Variants in PRDM11 observed in about 807,000 individuals in gnomAD.
PRDM11 encodes the protein PR/SET domain 11.
In PRDM11, 20 loss-of-function variants were observed where a neutral mutation model predicts 97.8. The observed-to-expected ratio is 0.20, with a 90% CI of 0.14 to 0.30. The LOEUF is 0.30. Among genes scored for constraint, PRDM11 ranks in the 10% least tolerant of loss-of-function variants. The pLI is 1.00. For missense variants in PRDM11, 1,139 were observed against 1,555.2 expected, an observed-to-expected ratio of 0.73 and a Z score of 4.50; for synonymous variants, 599 against 637.7, an observed-to-expected ratio of 0.94 and a Z score of 0.91.
In PRDM11 at chr11:45,227,047, A is replaced by G. The variant is rs1854292509; in HGVS notation, c.2422A>G (p.Thr808Ala). ...SPRLMCELRS[T>A]AATLCEETEF... ...GCGCCTCATGTGCGAGCTGCGGTCC[A>G]CGGCGGCCACCCTTTGTGAGGAGAC... The change falls in exon 8 of 8, where the codon ACG becomes GCG. Residue 808 changes from threonine to alanine, a missense_variant. This residue lies in a region of PRDM11 where 710 missense variants were observed against 1,044.9 expected (regional missense o/e 0.68). Transcript: ENST00000683152. This position sits in a 1 kb window ranked among gnomAD's most constrained non-coding sequence, Gnocchi z 8.0. 6.5e-7 allele frequency: 1 copy of G among 1,533,800 alleles called. No homozygotes were observed. Among genetic ancestry groups the G allele is most frequent in the African/African-American group, 1.4e-5 (1 of 72,968 alleles).
upstream of PRDM11, among the ~76,000 whole-genome samples, chr11:45,144,345 G>C (rs950461968): frequency 2.6e-5 from 4 of 152,214 alleles, no homozygotes; most frequent in Non-Finnish European, 4.4e-5. Context: ...ACAAGTCCCA[G>C]TGTGACGCCT....
intron 1 of PRDM11, among the ~76,000 whole-genome samples, chr11:45,170,787 C>T (rs536508068): frequency 5.1e-4 from 78 of 152,126 alleles, no homozygotes; most frequent in South Asian, 8.3e-4. Flanking sequence ...AGGAGGGACA[C>T]GAGTCAGGCT....
upstream of PRDM11, among the ~76,000 whole-genome samples, chr11:45,095,053 T>C (rs1164647003): frequency 2.6e-5 from 4 of 152,094 alleles, no homozygotes; most frequent in African/African-American, 9.7e-5. Context: ...CGGCTGGCCT[T>C]GCCAACTGCT....
chr11:45,140,370 T>A (rs908899000), intron 1 of PRDM11, among the ~76,000 whole-genome samples: 1 of 152,220 alleles, frequency 6.6e-6, no homozygotes, highest in African/African-American at 2.4e-5. Flanking sequence ...GGGGTGGGAC[T>A]AGAACCCACA....
chr11:45,152,890 C>T (rs1272931426), intron 1 of PRDM11, among the ~76,000 whole-genome samples: 1 of 152,220 alleles, frequency 6.6e-6, no homozygotes, highest in Non-Finnish European at 1.5e-5. Context: ...AGTTTACAAT[C>T]TGTCTGTTGG....
chr11:45,133,688 G>A (rs1159785440), intron 1 of PRDM11, among the ~76,000 whole-genome samples: 1 of 152,184 alleles, frequency 6.6e-6, no homozygotes, highest in East Asian at 1.9e-4. Context: ...CTACTGGCAT[G>A]TGCAGCACTA....
chr11:45,112,655 AT>A lies in PRDM11; in HGVS notation c.96+16756del, dbSNP rs1170175925. On this transcript the variant is annotated intron_variant, in intron 1 of 6. Coordinates refer to the PRDM11 transcript ENST00000530656. ...TCTTGGAAGAGTAAGGTGGTATCTCATTGTGGTTTGGATTTGCATTTCCCCG... is the reference window on the plus strand; with the variant it reads ...TCTTGGAAGAGTAAGGTGGTATCTCATGTGGTTTGGATTTGCATTTCCCCG... Among the ~76,000 whole-genome samples, 5 of 152,184 alleles carry A rather than the reference AT, an allele frequency of 3.3e-5. No individual in the cohort carries two copies. In the East Asian group the frequency reaches 9.7e-4, roughly 29 times the overall value.
At chr11:45,164,300 G>A (rs1011359770) in intron 1 of PRDM11, among the ~76,000 whole-genome samples, 7 of 152,230 alleles carry the variant, frequency 4.6e-5, no homozygotes, top group Admixed American at 2.0e-4. Flanking sequence ...GAAGACCCCG[G>A]AGACAGAGGC....
intron 1 of PRDM11, among the ~76,000 whole-genome samples, chr11:45,102,658 CT>C (rs1219804741): frequency 1.3e-5 from 2 of 152,106 alleles, no homozygotes; most frequent in East Asian, 3.9e-4. Context: ...TCCTTCCCCC[CT>C]GCCATCCCAG....
At chr11:45,192,767 T>G (rs1852960739) in intron 4 of PRDM11, among the ~76,000 whole-genome samples, 1 of 152,216 alleles carries the variant, frequency 6.6e-6, no homozygotes, top group Non-Finnish European at 1.5e-5. Flanking sequence ...TATAAACATA[T>G]AGCTTGGTAA....
intron 1 of PRDM11, among the ~76,000 whole-genome samples, chr11:45,100,588 C>T (rs1851956294): frequency 6.6e-6 from 1 of 152,188 alleles, no homozygotes; most frequent in Non-Finnish European, 1.5e-5. Flanking sequence ...CTGGTGAGAT[C>T]ACCCTGAGCA....
chr11:45,141,885 A>T (rs1020486805), upstream of PRDM11, among the ~76,000 whole-genome samples: 7 of 152,184 alleles, frequency 4.6e-5, no homozygotes, highest in African/African-American at 1.7e-4. Context: ...AGGCCAGGGA[A>T]GGGAGTTTTT....
intron 1 of PRDM11, among the ~76,000 whole-genome samples, chr11:45,139,850 C>T (rs577396573): frequency 3.5e-4 from 53 of 152,256 alleles, no homozygotes; most frequent in Non-Finnish European, 6.9e-4. Context: ...GCTCTCGTGT[C>T]TGACGTGTCA....
intron 5 of PRDM11, among the ~76,000 whole-genome samples, chr11:45,206,586 C>A (rs570189710): frequency 1.5e-4 from 23 of 152,240 alleles, no homozygotes; most frequent in Non-Finnish European, 2.9e-4. Flanking sequence ...TTTCACCCAT[C>A]TCTGATCTTT....
At chr11:45,191,494 A>G (rs1852911997) in intron 4 of PRDM11, among the ~76,000 whole-genome samples, 1 of 152,220 alleles carries the variant, frequency 6.6e-6, no homozygotes, top group African/African-American at 2.4e-5. Context: ...TATTTTTAGT[A>G]TTCATATGAA....
In PRDM11 at chr11:45,228,138, G is replaced by A. The variant is rs754009678; in HGVS notation, c.3513G>A (p.Thr1171=). 36 of 1,525,864 alleles carry A rather than the reference G, an allele frequency of 2.4e-5. No homozygotes were observed. The East Asian group carries it at 3.2e-4, about 14-fold the overall frequency. 94.5% of individuals were successfully genotyped at this position (1,525,864 alleles called of 1,614,324 possible). A position where few individuals can be genotyped will look rare whatever the true frequency, so the allele number is the denominator to read the frequency against. ...KPALQTMDHG[T]EFYPDI is the part of the protein sequence containing the mutation. ...CACTACAGACCATGGACCACGGGACGGAGTTTTACCCCGACATTTAGGGAG... is the reference window on the plus strand; with the variant it reads ...CACTACAGACCATGGACCACGGGACAGAGTTTTACCCCGACATTTAGGGAG... Residue 1171 remains threonine (T), a synonymous_variant, in exon 8 of 8, where the codon ACG becomes ACA. Transcript: ENST00000683152.
intron 1 of PRDM11, among the ~76,000 whole-genome samples, chr11:45,138,944 C>T (rs1488663113): frequency 4.6e-5 from 7 of 152,192 alleles, no homozygotes; most frequent in Non-Finnish European, 7.3e-5. Context: ...ACAAAGCATT[C>T]TGCTATCCTT....
chr11:45,213,121 C>T, intron 5 of PRDM11: 1 of 456,496 alleles, frequency 2.2e-6, no homozygotes, highest in Admixed American at 2.3e-5. Flanking sequence ...TCTTTCGTGT[C>T]CAGGAACAGG....
Position 45,228,091 on chromosome 11 carries a change from T to C in PRDM11, c.3466T>C (p.Ser1156Pro). 2 of 1,533,794 alleles carry C rather than the reference T, an allele frequency of 1.3e-6. No individual in the cohort carries two copies. The highest frequency in any genetic ancestry group is 1.7e-6 in the Non-Finnish European group (2 of 1,146,710). Residue 1156 changes from serine to proline, a missense_variant, in exon 8 of 8, where the codon TCT (serine) becomes CCT (proline). Coordinates refer to ENST00000683152, the MANE Select transcript of PRDM11 (RefSeq NM_001384648.1). ...GTCTGCAGAAGTCCTCAGTAGGATG[T>C]CTGCGCTGGAGCAGAAGCCAGCACT... is the stretch of plus-strand genomic sequence containing the variant. ...ALSAEVLSRM[S>P]ALEQKPALQT...
Sources: gnomAD v4.1 joint callset for allele counts (sites outside exome capture counted in the v4.1 genomes callset) on GRCh38, gnomAD v4.1.1 for gene constraint, gnomAD v4.1.1 regional missense constraint, Gnocchi (gnomAD v3.1) non-coding constraint, MANE v1.5 for transcripts, NCBI Gene and HGNC (gene_info 2026-07-23, HGNC 2026-07-21) for gene names.